Variants in RALYL observed in about 807,000 individuals in gnomAD.
RALYL encodes the protein RALY RNA binding protein like.
Under a neutral mutation model 35.1 loss-of-function variants are expected in RALYL, and 29 were observed. The observed-to-expected ratio is 0.83, with a 90% CI of 0.61 to 1.13. The LOEUF is 1.13. RALYL is among the 50% of genes most tolerant of loss of function. The pLI is 0.00. For missense variants in RALYL, 359 were observed against 360.4 expected (o/e 1.00, Z 0.03); for synonymous variants, 120 against 127.6 (o/e 0.94, Z 0.40).
At chr8:84,493,361 T>A (rs34717884) in intron 1 of RALYL, among the ~76,000 whole-genome samples, 27 of 151,768 alleles carry the variant, frequency 1.8e-4, no homozygotes, top group African/African-American at 5.8e-4. Flanking sequence ...ATTGCGAATA[T>A]TGCTGCAATA....
chr8:84,620,529 T>G (rs907923321), intron 2 of RALYL, among the ~76,000 whole-genome samples: 1 of 152,144 alleles, frequency 6.6e-6, no homozygotes, highest in Non-Finnish European at 1.5e-5. Context: ...CTTCTTTGCC[T>G]TTGGTTTGAA....
At chr8:84,252,093 C>G (rs1186288902) in intron 1 of RALYL, among the ~76,000 whole-genome samples, 1 of 151,908 alleles carries the variant, frequency 6.6e-6, no homozygotes, top group African/African-American at 2.4e-5. Flanking sequence ...TTGATATATC[C>G]TTATATAACA....
chr8:84,222,605 A>C (rs746684139), intron 1 of RALYL, among the ~76,000 whole-genome samples: 2 of 152,174 alleles, frequency 1.3e-5, no homozygotes, highest in Non-Finnish European at 2.9e-5. Flanking sequence ...AAGACGGCAC[A>C]TGACTGCCTG....
chr8:84,536,429 C>G (rs146843967), intron 2 of RALYL, among the ~76,000 whole-genome samples: 1 of 152,300 alleles, frequency 6.6e-6, no homozygotes, highest in East Asian at 1.9e-4. Flanking sequence ...AGCATCCATC[C>G]TATTTCACTT....
rs554073192 is a variant in RALYL, at chr8:84,792,801, C to A, written c.333-11969C>A. On this transcript the variant is annotated intron_variant, in intron 3 of 8. Coordinates refer to ENST00000521268, the MANE Select transcript of RALYL (RefSeq NM_173848.7). ...GTTAGAGTTTGTATATGATGACTGA[C>A]TTCAAGAGAGAGGAAGAAGCTGTTT... 2.6e-5 allele frequency among the ~76,000 whole-genome samples: 4 copies of A among 152,312 alleles called. No individual in the cohort carries two copies. In the South Asian group the frequency reaches 8.3e-4, roughly 32 times the overall value.
intron 1 of RALYL, among the ~76,000 whole-genome samples, chr8:84,522,074 A>G (rs1265967220): frequency 6.6e-6 from 1 of 152,052 alleles, no homozygotes; most frequent in Non-Finnish European, 1.5e-5. Context: ...CATTTGCCTA[A>G]TTTTTAAAAT....
chr8:84,852,270 C>A (rs1279131910), intron 5 of RALYL, among the ~76,000 whole-genome samples: 4 of 152,074 alleles, frequency 2.6e-5, no homozygotes, highest in Non-Finnish European at 2.9e-5. Flanking sequence ...CACTAGTTAT[C>A]CTTTTCTGAC....
At chr8:84,293,601 A>AC (rs1355374054) in intron 1 of RALYL, among the ~76,000 whole-genome samples, 1 of 152,194 alleles carries the variant, frequency 6.6e-6, no homozygotes, top group African/African-American at 2.4e-5. Context: ...CATTGTGATA[A>AC]CAAAGCTCTT....
chr8:84,274,495 A>T (rs1308314954), intron 1 of RALYL, among the ~76,000 whole-genome samples: 1 of 152,186 alleles, frequency 6.6e-6, no homozygotes, highest in Non-Finnish European at 1.5e-5. Flanking sequence ...AAGAAGAAAG[A>T]ATAATGCTTT....
intron 2 of RALYL, among the ~76,000 whole-genome samples, chr8:84,543,922 A>C (rs1173362508): frequency 6.6e-6 from 1 of 152,070 alleles, no homozygotes; most frequent in Non-Finnish European, 1.5e-5. Flanking sequence ...GCATTGTCAG[A>C]AATATCACTT....
chr8:84,520,577 G>A (rs544020106), intron 1 of RALYL, among the ~76,000 whole-genome samples: 2 of 152,078 alleles, frequency 1.3e-5, no homozygotes, highest in South Asian at 2.1e-4. Context: ...GACAGGTATC[G>A]GTCTGTCACC....
At chr8:84,312,828 C>T (rs1023178185) in intron 1 of RALYL, among the ~76,000 whole-genome samples, 3 of 152,324 alleles carry the variant, frequency 2.0e-5, no homozygotes, top group African/African-American at 4.8e-5. Flanking sequence ...ATCTACCATT[C>T]TGGGGTCTGG....
intron 1 of RALYL, among the ~76,000 whole-genome samples, chr8:84,384,807 T>A (rs1858823272): frequency 6.6e-6 from 1 of 151,810 alleles, no homozygotes. Flanking sequence ...GATAGCAATA[T>A]CATGCTCATT....
intron 1 of RALYL, among the ~76,000 whole-genome samples, chr8:84,333,780 T>C (rs1847265201): frequency 6.6e-6 from 1 of 152,294 alleles, no homozygotes; most frequent in East Asian, 1.9e-4. Context: ...TTTCCAGATG[T>C]AGATAATCCT....
intron 4 of RALYL, among the ~76,000 whole-genome samples, chr8:84,822,661 T>A (rs896488610): frequency 6.6e-6 from 1 of 152,134 alleles, no homozygotes; most frequent in African/African-American, 2.4e-5. Flanking sequence ...AGTAAAATAT[T>A]TAGACATTTA....
chr8:84,892,362 C>A lies in RALYL; in HGVS notation c.858+4586C>A, dbSNP rs1051206219. 2.0e-5 allele frequency among the ~76,000 whole-genome samples: 3 copies of A among 152,078 alleles called. No homozygotes were observed. The East Asian group carries it at 5.8e-4, about 29-fold the overall frequency. ...TGGTGGCTCACGCCTGTAATCCTAG[C>A]ACTTTGGGAGGCTGAGGTGGGTGAA... On this transcript the variant is annotated intron_variant, in intron 8 of 8. Transcript: ENST00000521268.
At chr8:84,888,508 A>G (rs7002227) in intron 8 of RALYL, among the ~76,000 whole-genome samples, 69,659 of 152,022 alleles carry the variant, frequency 0.46, 18,987 homozygotes, top group African/African-American at 0.75. Flanking sequence ...ATGCGGGCAA[A>G]TGTGGGTATA....
intron 2 of RALYL, among the ~76,000 whole-genome samples, chr8:84,622,413 G>T (rs191524810): frequency 6.6e-6 from 1 of 152,264 alleles, no homozygotes; most frequent in East Asian, 1.9e-4. Flanking sequence ...CGTTTACTAG[G>T]CCAGGCTATG....
intron 2 of RALYL, among the ~76,000 whole-genome samples, chr8:84,738,038 G>T (rs1847636504): frequency 6.6e-6 from 1 of 152,002 alleles, no homozygotes; most frequent in South Asian, 2.1e-4. Flanking sequence ...ATCGAATTAG[G>T]TGTGATTTCT....
Sources: gnomAD v4.1 joint callset for allele counts (sites outside exome capture counted in the v4.1 genomes callset) on GRCh38, gnomAD v4.1.1 for gene constraint, MANE v1.5 for transcripts, NCBI Gene and HGNC (gene_info 2026-07-23, HGNC 2026-07-21) for gene names.